Variants in JRK observed in about 807,000 individuals in gnomAD.
JRK encodes the protein jerky protein homolog.
For missense variants in JRK, 720 were observed against 509.2 expected (o/e 1.41, Z -3.98); for synonymous variants, 303 against 218.1 (o/e 1.39, Z -3.43).
At chr8:142,650,871 CA>C in the JRK span, among the ~76,000 whole-genome samples, 1 of 151,956 alleles carries the variant, frequency 6.6e-6, no homozygotes, top group Non-Finnish European at 1.5e-5. Flanking sequence ...GTACACAATA[CA>C]AAATTAAGTG....
At chr8:142,650,123 C>T in the JRK span, among the ~76,000 whole-genome samples, 164 of 152,392 alleles carry the variant, frequency 1.1e-3, no homozygotes, top group East Asian at 9.2e-3. Flanking sequence ...GGATTTCAGA[C>T]TTGCATGGGG....
chr8:142,655,081 C>T (rs1460208622), downstream of JRK, among the ~76,000 whole-genome samples: 8 of 151,996 alleles, frequency 5.3e-5, no homozygotes, highest in Non-Finnish European at 2.9e-5. Flanking sequence ...CTCAGGTGAC[C>T]ACCCCCAGGC....
rs587617093 is a variant in JRK at position 142,661,356 on chromosome 8, G to A, written c.*2996C>T. On this transcript the variant is annotated 3_prime_UTR_variant, in exon 2 of 2. Coordinates refer to ENST00000612905, the MANE Select transcript of JRK (RefSeq NM_003724.4). ...AAGTATGGCCTCTCCTGGGCATCCC[G>A]AGGGATGGGAGCTCCCAGAGTGGAG... 1.3e-5 allele frequency: 13 copies of A among 985,362 alleles called. No homozygotes were observed. The highest frequency in any genetic ancestry group is 3.5e-5 in the African/African-American group (2 of 57,252). 61.0% of individuals were successfully genotyped at this position (985,362 alleles called of 1,614,324 possible).
At chr8:142,644,106 G>T in the JRK span, among the ~76,000 whole-genome samples, 1 of 152,038 alleles carries the variant, frequency 6.6e-6, no homozygotes, top group African/African-American at 2.4e-5. Flanking sequence ...GTTCTCCATA[G>T]GTCCTGAAAG....
In JRK at chr8:142,660,698, G is replaced by A. The variant is rs782612834; in HGVS notation, c.*3654C>T. On this transcript the variant is annotated 3_prime_UTR_variant, in exon 2 of 2. Transcript: ENST00000612905. ...ATTTCAGGCAGAAGCCACCACACCC[G>A]GATCCCCAATAAGCACATTTATGTG... 1.4e-4 allele frequency: 140 copies of A among 985,188 alleles called. No homozygotes were observed. Among genetic ancestry groups the A allele is most frequent in the Non-Finnish European group, 1.7e-4 (137 of 829,848 alleles). 61.0% of individuals were successfully genotyped at this position (985,188 alleles called of 1,614,324 possible).
At chr8:142,645,868 A>G in the JRK span, among the ~76,000 whole-genome samples, 1 of 152,168 alleles carries the variant, frequency 6.6e-6, no homozygotes, top group Non-Finnish European at 1.5e-5. Context: ...CTTTCTTACC[A>G]AAGTAAAACC....
In JRK at chr8:142,658,609, C is replaced by T. The variant is rs587644186; in HGVS notation, c.*5743G>A. On this transcript the variant is annotated 3_prime_UTR_variant, in exon 2 of 2. Coordinates refer to ENST00000612905, the MANE Select transcript of JRK (RefSeq NM_003724.4). ...TCTTATAAGGACTCGATCTCATCGG[C>T]GAGCCCCACCCTCACGATCTCACCT... is the stretch of plus-strand genomic sequence containing the variant. The T allele has an allele frequency of 6.2e-5, 25 of 400,580 alleles. No individual in the cohort carries two copies. In the South Asian group the frequency reaches 6.3e-4, roughly 10 times the overall value. The allele number at this position is 400,580 out of a possible 1,614,324, so 24.8% of individuals were successfully genotyped here.
chr8:142,662,150 T>G lies in JRK; in HGVS notation c.*2202A>C, dbSNP rs1846935900. The G allele has an allele frequency of 2.0e-6, 2 of 985,858 alleles. No homozygotes were observed. The highest frequency in any genetic ancestry group is 2.4e-6 in the Non-Finnish European group (2 of 830,412). The allele number at this position is 985,858 out of a possible 1,614,324, so 61.1% of individuals were successfully genotyped here. A position where few individuals can be genotyped will look rare whatever the true frequency, so the allele number is the denominator to read the frequency against. ...GCACCCTGAGGACACAGCCACTCAC[T>G]GGGGACAAGCGCCTACCCATCAGCC... On this transcript the variant is annotated 3_prime_UTR_variant, in exon 2 of 2. Transcript: ENST00000612905.
At chr8:142,654,165 C>G (rs775764725), downstream of JRK, among the ~76,000 whole-genome samples, 88 of 152,258 alleles carry the variant, frequency 5.8e-4, no homozygotes, top group Non-Finnish European at 1.0e-3. Context: ...GCAGGAAGGA[C>G]ACTGTTCTGT....
At chr8:142,645,681 G>GAA in the JRK span, among the ~76,000 whole-genome samples, 259 of 147,346 alleles carry the variant, frequency 1.8e-3, no homozygotes, top group Non-Finnish European at 2.3e-3. Context: ...CTCCATCTCA[G>GAA]AAAAAAAAAA....
chr8:142,662,139 C>A lies in JRK; in HGVS notation c.*2213G>T. 1 of 985,944 alleles carries A rather than the reference C, an allele frequency of 1.0e-6. No individual in the cohort carries two copies. Among genetic ancestry groups the A allele is most frequent in the Non-Finnish European group, 1.2e-6 (1 of 830,360 alleles). 61.1% of individuals were successfully genotyped at this position (985,944 alleles called of 1,614,324 possible). A position where few individuals can be genotyped will look rare whatever the true frequency, so the allele number is the denominator to read the frequency against. On this transcript the variant is annotated 3_prime_UTR_variant, in exon 2 of 2. Transcript: ENST00000612905. ...CTGGAAGAGGGGCACCCTGAGGACACAGCCACTCACTGGGGACAAGCGCCT... is the reference window on the plus strand; with the variant it reads ...CTGGAAGAGGGGCACCCTGAGGACAAAGCCACTCACTGGGGACAAGCGCCT...
In JRK at chr8:142,665,978, G is replaced by T; in HGVS notation, c.81C>A (p.Asp27Glu). ...CGCCCTTCTCCAGGCGCGTGCAGAT[G>T]TCAATCTTCTCCTTCAGTGTCAGCA... is the stretch of plus-strand genomic sequence containing the variant. ...RVVLTLKEKIDICTRLEKGES... is the reference protein window; with the variant it reads ...RVVLTLKEKIEICTRLEKGES... The change falls in exon 2 of 2, where the codon GAC (aspartate) becomes GAA (glutamate). Residue 27 changes from aspartate (D) to glutamate (E), a missense_variant. By Grantham distance (45) the Asp-to-Glu change is conservative. Transcript: ENST00000612905. The T allele has an allele frequency of 1.7e-6, 2 of 1,180,162 alleles. No homozygotes were observed. Among genetic ancestry groups the T allele is most frequent in the Non-Finnish European group, 2.6e-6 (2 of 783,772 alleles). The allele number at this position is 1,180,162 out of a possible 1,614,324, so 73.1% of individuals were successfully genotyped here. A position where few individuals can be genotyped will look rare whatever the true frequency, so the allele number is the denominator to read the frequency against.
the JRK span, among the ~76,000 whole-genome samples, chr8:142,645,459 C>T: frequency 0.035 from 5,341 of 152,148 alleles, 120 homozygotes; most frequent in Non-Finnish European, 0.053. Context: ...ATGGGCGGAT[C>T]ACGAGGTCAG....
chr8:142,653,752 A>G (rs189186796), downstream of JRK, among the ~76,000 whole-genome samples: 198 of 152,094 alleles, frequency 1.3e-3, 1 homozygote, highest in Non-Finnish European at 2.0e-3. Context: ...CTCTCACCCA[A>G]AAGTGGACTC....
Position 142,660,060 on chromosome 8 carries a change from G to A in JRK, c.*4292C>T. On this transcript the variant is annotated 3_prime_UTR_variant, in exon 2 of 2. Coordinates refer to ENST00000612905, the MANE Select transcript of JRK (RefSeq NM_003724.4). ...TGGGAGGCTGGTGGCTGCCATGGCT[G>A]CAGCTCCTGGCCCTGCGGACAGCCA... 1.0e-6 allele frequency: 1 copy of A among 985,828 alleles called. No individual in the cohort carries two copies. The highest frequency in any genetic ancestry group is 1.2e-6 in the Non-Finnish European group (1 of 830,206). The allele number at this position is 985,828 out of a possible 1,614,324, so 61.1% of individuals were successfully genotyped here. A position where few individuals can be genotyped will look rare whatever the true frequency, so the allele number is the denominator to read the frequency against.
At chr8:142,646,811 G>A in the JRK span, among the ~76,000 whole-genome samples, 8 of 152,136 alleles carry the variant, frequency 5.3e-5, no homozygotes, top group African/African-American at 1.9e-4. Context: ...GAAACATTGT[G>A]TATACAACAC....
Position 142,664,271 on chromosome 8 carries a change from G to C in JRK, c.*81C>G. 1.4e-6 allele frequency: 2 copies of C among 1,458,294 alleles called. No individual in the cohort carries two copies. Among genetic ancestry groups the C allele is most frequent in the Non-Finnish European group, 1.8e-6 (2 of 1,102,974 alleles). The allele number at this position is 1,458,294 out of a possible 1,614,324, so 90.3% of individuals were successfully genotyped here. ...GTCTGCACATGCCCTCCTGCCTCAG[G>C]TGGGGTCGGGGCACAGGACCATGCC... On this transcript the variant is annotated 3_prime_UTR_variant, in exon 2 of 2. Coordinates refer to ENST00000612905, the MANE Select transcript of JRK (RefSeq NM_003724.4).
the JRK span, among the ~76,000 whole-genome samples, chr8:142,647,285 A>C: frequency 6.6e-6 from 1 of 152,118 alleles, no homozygotes; most frequent in Admixed American, 6.5e-5. Context: ...TAATGAAAAA[A>C]AATTTCCTCA....
rs587747850 is a variant in JRK, at chr8:142,662,223, C to G, written c.*2129G>C. 1 of 985,530 alleles carries G rather than the reference C, an allele frequency of 1.0e-6. No homozygotes were observed. The highest frequency in any genetic ancestry group is 1.2e-6 in the Non-Finnish European group (1 of 830,004). 61.0% of individuals were successfully genotyped at this position (985,530 alleles called of 1,614,324 possible). A position where few individuals can be genotyped will look rare whatever the true frequency, so the allele number is the denominator to read the frequency against. On this transcript the variant is annotated 3_prime_UTR_variant, in exon 2 of 2. Coordinates refer to ENST00000612905, the MANE Select transcript of JRK (RefSeq NM_003724.4). Reference sequence around the variant, plus strand: ...GATCAAGAACGGGAAGAGCTCAGGTCCTGAAGAGCTACAGTCTGACAGGGA... The same window carrying G: ...GATCAAGAACGGGAAGAGCTCAGGTGCTGAAGAGCTACAGTCTGACAGGGA...
Sources: allele counts gnomAD v4.1 joint callset (sites outside exome capture counted in the v4.1 genomes callset), GRCh38; gene constraint gnomAD v4.1.1; transcripts MANE v1.5; gene names NCBI Gene and HGNC (gene_info 2026-07-23, HGNC 2026-07-21).